Variants in GABRA3 observed in about 807,000 individuals in gnomAD.
GABRA3 encodes gamma-aminobutyric acid type A receptor subunit alpha3.
In GABRA3, 10 loss-of-function variants were observed where a neutral mutation model predicts 30.1. The observed-to-expected ratio is 0.33, with a 90% CI of 0.20 to 0.56. The LOEUF is 0.56. Among genes scored for constraint, GABRA3 ranks in the 20% least tolerant of loss-of-function variants. The pLI, the probability that GABRA3 is intolerant of heterozygous loss-of-function variation, is 0.89. For missense variants in GABRA3, 233 were observed against 392.0 expected (o/e 0.59, Z 3.42); for synonymous variants, 151 against 146.8 (o/e 1.03, Z -0.21).
At chrX:152,235,599 C>T (rs1215706456) in intron 5 of GABRA3, among the ~76,000 whole-genome samples, 1 of 111,518 alleles carries the variant, frequency 9.0e-6, no homozygotes, top group Non-Finnish European at 1.9e-5. Context: ...TTAAAAAATA[C>T]ATCAAGAAAA....
At chrX:152,338,303 A>G (rs1940264183) in intron 3 of GABRA3, among the ~76,000 whole-genome samples, 1 of 112,045 alleles carries the variant, frequency 8.9e-6, no homozygotes, top group Admixed American at 9.5e-5. Context: ...GCATTTTTTC[A>G]TGTACCTCTT....
intron 3 of GABRA3, among the ~76,000 whole-genome samples, chrX:152,332,970 C>G (rs990782272): frequency 1.8e-5 from 2 of 112,127 alleles, no homozygotes; most frequent in Non-Finnish European, 3.8e-5. Flanking sequence ...CCCATCACAA[C>G]TCCCTTTGCA....
chrX:152,255,614 T>A (rs1280926067), intron 5 of GABRA3, among the ~76,000 whole-genome samples, 164 bp downstream of exon 5: 1 of 112,522 alleles, frequency 8.9e-6, no homozygotes, highest in Non-Finnish European at 1.9e-5. Context: ...AATATATATG[T>A]CTGTGAGTAT....
chrX:152,329,428 G>A (rs1345199385), intron 3 of GABRA3, among the ~76,000 whole-genome samples: 4 of 111,723 alleles, frequency 3.6e-5, no homozygotes, highest in African/African-American at 1.3e-4. Flanking sequence ...GAGGCATCAT[G>A]CTACCCGACT....
chrX:152,427,052 A>G, intron 1 of GABRA3, among the ~76,000 whole-genome samples: 1 of 111,550 alleles, frequency 9.0e-6, no homozygotes, highest in Non-Finnish European at 1.9e-5. Flanking sequence ...TACGGCAGGT[A>G]TGTTATGCTG....
intron 8 of GABRA3, among the ~76,000 whole-genome samples, chrX:152,195,386 T>C (rs1937372519): frequency 1.8e-5 from 2 of 112,097 alleles, no homozygotes; most frequent in Admixed American, 9.5e-5. Flanking sequence ...ATGGGAAGTG[T>C]CCTTGTATTA....
At chrX:152,273,550 A>G (rs1454445332) in intron 4 of GABRA3, among the ~76,000 whole-genome samples, 2 of 112,475 alleles carry the variant, frequency 1.8e-5, no homozygotes, top group Non-Finnish European at 3.8e-5. Context: ...GTGCCCACCA[A>G]TGGATGAATG....
intron 1 of GABRA3, among the ~76,000 whole-genome samples, chrX:152,441,017 A>T (rs1930915532): frequency 9.1e-6 from 1 of 110,122 alleles, no homozygotes; most frequent in African/African-American, 3.3e-5. Flanking sequence ...ATAATAAAAA[A>T]AAAAAAAAGA....
At chrX:152,199,004 G>A (rs200052485) in intron 7 of GABRA3, among the ~76,000 whole-genome samples, 1 of 111,603 alleles carries the variant, frequency 9.0e-6, no homozygotes, top group South Asian at 3.8e-4. Context: ...CATCCAACAC[G>A]ACTAGTGTCC....
At chrX:152,333,289 C>A (rs1351854212) in intron 3 of GABRA3, among the ~76,000 whole-genome samples, 2 of 111,879 alleles carry the variant, frequency 1.8e-5, no homozygotes, top group African/African-American at 6.5e-5. Context: ...AACAAAATAT[C>A]CTGTAGCCTT....
In GABRA3 at chrX:152,292,618, C is replaced by A. The variant is rs765146323; in HGVS notation, c.263-7883G>T. Among the ~76,000 whole-genome samples, 3 of 111,291 alleles carry A rather than the reference C, an allele frequency of 2.7e-5. No individual in the cohort carries two copies. In the East Asian group the frequency reaches 8.5e-4, roughly 32 times the overall value. ...TTTGAATTTGCTTGTTGTTGCTTCT[C>A]TAGTTCTTTTAATTATGATGCTAGG... On this transcript the variant is annotated intron_variant, in intron 3 of 9. Transcript: ENST00000370314.
At chrX:152,364,164 A>G in intron 2 of GABRA3, among the ~76,000 whole-genome samples, 1 of 111,415 alleles carries the variant, frequency 9.0e-6, no homozygotes, top group Non-Finnish European at 1.9e-5. Flanking sequence ...AAGAGAGGAG[A>G]GATAAAATTG....
intron 1 of GABRA3, among the ~76,000 whole-genome samples, chrX:152,429,176 G>C (rs1197504027): frequency 2.7e-5 from 3 of 111,061 alleles, no homozygotes; most frequent in Non-Finnish European, 3.8e-5. Context: ...GAAATGCAGG[G>C]AAAAGTACAA....
chrX:152,181,190 T>C (rs893523949), intron 9 of GABRA3, among the ~76,000 whole-genome samples: 3 of 112,109 alleles, frequency 2.7e-5, no homozygotes, highest in African/African-American at 9.7e-5. Flanking sequence ...TTTCCATTTA[T>C]TTGTGTCTTC....
At chrX:152,260,102 G>A (rs751590601) in intron 4 of GABRA3, among the ~76,000 whole-genome samples, 8 of 110,535 alleles carry the variant, frequency 7.2e-5, no homozygotes, top group African/African-American at 2.3e-4. Context: ...GTAGTCTGGC[G>A]GTACTCTTGT....
At chrX:152,360,711 T>A (rs763539341) in intron 2 of GABRA3, among the ~76,000 whole-genome samples, 1,511 of 42,232 alleles carry the variant, frequency 0.036, 26 homozygotes, top group East Asian at 0.096. Context: ...AAAAAAAAAA[T>A]TAAAAAAAAA....
chrX:152,415,228 TTAA>T, intron 1 of GABRA3, among the ~76,000 whole-genome samples: 1 of 111,471 alleles, frequency 9.0e-6, no homozygotes. Flanking sequence ...ATGCAAGATG[TTAA>T]TAATAGGGGA....
chrX:152,377,561 T>C lies in GABRA3; in HGVS notation c.-26-12965A>G, dbSNP rs181848554. Among the ~76,000 whole-genome samples the C allele has an allele frequency of 3.6e-5, 4 of 110,037 alleles. No individual in the cohort carries two copies. The East Asian group carries it at 1.1e-3, about 31-fold the overall frequency. On this transcript the variant is annotated intron_variant, in intron 1 of 9. Transcript: ENST00000370314. ...TTTGGGGAGAATAAACCCAAAACTG[T>C]ACAGATGGATAAATTAATAAATTGC...
At chrX:152,242,754 T>G (rs1255946256) in intron 5 of GABRA3, among the ~76,000 whole-genome samples, 1 of 111,804 alleles carries the variant, frequency 8.9e-6, no homozygotes, top group Non-Finnish European at 1.9e-5. Context: ...TTGGCGAGAA[T>G]GTGGAGAAAA....
Sources: allele counts gnomAD v4.1 joint callset (sites outside exome capture counted in the v4.1 genomes callset), GRCh38; gene constraint gnomAD v4.1.1; transcripts MANE v1.5; gene names NCBI Gene and HGNC (gene_info 2026-07-23, HGNC 2026-07-21).